The following ARHGAP26 variants were observed in gnomAD, a reference collection of about 807,000 sequenced individuals.
ARHGAP26 encodes Rho GTPase activating protein 26.
ARHGAP26 carries 38 observed loss-of-function variants against 104.8 expected under a neutral mutation model. The observed-to-expected ratio is 0.36, with a 90% confidence interval of 0.28 to 0.48. The LOEUF (loss-of-function observed/expected upper bound fraction) is 0.48. ARHGAP26 is among the 20% of genes least tolerant of loss of function. ARHGAP26 has a pLI of 0.99. For missense variants in ARHGAP26, 704 were observed against 947.9 expected (o/e 0.74, Z 3.38); for synonymous variants, 341 against 340.0 (o/e 1.00, Z -0.03).
At chr5:143,111,202 A>T (rs866317935) in intron 17 of ARHGAP26, among the ~76,000 whole-genome samples, 2 of 152,240 alleles carry the variant, frequency 1.3e-5, no homozygotes, top group Non-Finnish European at 2.9e-5. Context: ...TTGTAAAAAT[A>T]ATCAGGTTCT....
chr5:142,804,832 T>G (rs997186088), intron 1 of ARHGAP26, among the ~76,000 whole-genome samples: 1 of 152,088 alleles, frequency 6.6e-6, no homozygotes, highest in African/African-American at 2.4e-5. Flanking sequence ...TCAGAAAAAT[T>G]TCCTTCCTGC....
chr5:143,089,145 C>T (rs1351381739), intron 17 of ARHGAP26, among the ~76,000 whole-genome samples: 2 of 152,186 alleles, frequency 1.3e-5, no homozygotes, highest in South Asian at 4.1e-4. Flanking sequence ...CATTTCCTTA[C>T]AGCTTTCTTT....
At chr5:143,203,791 A>G (rs949558343) in intron 20 of ARHGAP26, 6 of 152,198 alleles carry the variant, frequency 3.9e-5, no homozygotes, top group African/African-American at 1.4e-4. Flanking sequence ...ATGAAGCTGG[A>G]AACCATCATT....
intron 11 of ARHGAP26, among the ~76,000 whole-genome samples, chr5:143,011,203 C>A (rs1012543156): frequency 6.6e-6 from 1 of 152,100 alleles, no homozygotes; most frequent in Non-Finnish European, 1.5e-5. Flanking sequence ...CACTAGCCCC[C>A]ACGTCTTCCC....
At position 143,222,347 on chromosome 5, in the gene ARHGAP26, T is replaced by G. The variant is rs760414106; in HGVS notation, c.2192-11T>G. On this transcript the variant is annotated splice_polypyrimidine_tract_variant and intron_variant, in intron 22 of 22. Transcript: ENST00000645722. Reference sequence around the variant, plus strand: ...CCATCTCTTCTCGCTTTCTCTCCCCTTCCTGTACAGTTCACCCATCTCAGG... The same window carrying G: ...CCATCTCTTCTCGCTTTCTCTCCCCGTCCTGTACAGTTCACCCATCTCAGG... 1 of 1,583,402 alleles carries G rather than the reference T, an allele frequency of 6.3e-7. No individual in the cohort carries two copies. Among genetic ancestry groups the G allele is most frequent in the Non-Finnish European group, 8.6e-7 (1 of 1,161,410 alleles).
chr5:143,130,371 G>A (rs3776295), intron 18 of ARHGAP26, among the ~76,000 whole-genome samples: 16,955 of 152,188 alleles, frequency 0.11, 1,105 homozygotes, highest in East Asian at 0.2. Flanking sequence ...TGACTAAGTC[G>A]GAATTACTTT....
At chr5:142,895,234 CT>C (rs1339893320) in intron 6 of ARHGAP26, among the ~76,000 whole-genome samples, 5 of 150,086 alleles carry the variant, frequency 3.3e-5, no homozygotes, top group South Asian at 2.1e-4. Context: ...TTTCTTTTTT[CT>C]TTTTTTTTTC....
intron 5 of ARHGAP26, among the ~76,000 whole-genome samples, chr5:142,890,151 A>AAAAAAAAAT (rs1252590997): frequency 5.9e-4 from 19 of 32,426 alleles, no homozygotes; most frequent in East Asian, 1.4e-3. Context: ...AAAAAAAAAA[A>AAAAAAAAAT]ATATATATAT....
At chr5:142,883,417 T>C (rs573942769) in intron 4 of ARHGAP26, among the ~76,000 whole-genome samples, 1 of 152,382 alleles carries the variant, frequency 6.6e-6, no homozygotes, top group South Asian at 2.1e-4. Context: ...AGGAGTAATG[T>C]GTCCTCAGGC....
chr5:143,027,901 C>G (rs1409265568), intron 12 of ARHGAP26, among the ~76,000 whole-genome samples: 1 of 152,096 alleles, frequency 6.6e-6, no homozygotes, highest in Non-Finnish European at 1.5e-5. Context: ...GGGAGAGGGC[C>G]CAGAATCTGC....
At chr5:143,170,151 T>G (rs534495415) in intron 20 of ARHGAP26, 1 of 152,182 alleles carries the variant, frequency 6.6e-6, no homozygotes, top group African/African-American at 2.4e-5. Flanking sequence ...CCTCCATTCA[T>G]TTTAATGACA....
In ARHGAP26 at chr5:142,806,437, C is replaced by T. The variant is rs548221814; in HGVS notation, c.154+35522C>T. Among the ~76,000 whole-genome samples, 40 of 151,106 alleles carry T rather than the reference C, an allele frequency of 2.6e-4. No homozygotes were observed. The East Asian group carries it at 3.1e-3, about 12-fold the overall frequency. On this transcript the variant is annotated intron_variant, in intron 1 of 22. Transcript: ENST00000645722. ...AGTGATGTTAATATATGTTTTTTAA[C>T]GGTTGTACATGGCATAATAAGTTAT...
intron 1 of ARHGAP26, among the ~76,000 whole-genome samples, chr5:142,808,159 C>A (rs1232828535): frequency 3.0e-5 from 4 of 133,282 alleles, no homozygotes; most frequent in Admixed American, 8.8e-5. Flanking sequence ...GGCATGAACC[C>A]GGGAGGCAGA....
chr5:142,839,897 G>A (rs1770406527), intron 1 of ARHGAP26, among the ~76,000 whole-genome samples: 1 of 149,442 alleles, frequency 6.7e-6, no homozygotes, highest in Non-Finnish European at 1.5e-5. Flanking sequence ...AGAGAGAGGA[G>A]GGGAGGGGAG....
chr5:143,116,039 C>A (rs967396495), intron 17 of ARHGAP26, among the ~76,000 whole-genome samples: 1 of 152,048 alleles, frequency 6.6e-6, no homozygotes, highest in Non-Finnish European at 1.5e-5. Context: ...CAGAGTGTGT[C>A]ATACTTACTA....
chr5:143,133,094 G>A (rs1378160565), intron 18 of ARHGAP26, among the ~76,000 whole-genome samples: 1 of 152,046 alleles, frequency 6.6e-6, no homozygotes, highest in East Asian at 1.9e-4. Flanking sequence ...ATAAGTATTA[G>A]CTATTATAAT....
intron 11 of ARHGAP26, among the ~76,000 whole-genome samples, chr5:143,004,407 TG>T (rs1777651727): frequency 6.6e-6 from 1 of 152,236 alleles, no homozygotes; most frequent in Admixed American, 6.5e-5. Context: ...CTCCCTGTTT[TG>T]GAATCTGTCC....
rs1284340723 is a variant in ARHGAP26, at chr5:143,056,103, T to C, written c.1432+17T>C. The C allele has an allele frequency of 6.2e-7, 1 of 1,606,718 alleles. No homozygotes were observed. Among genetic ancestry groups the C allele is most frequent in the Admixed American group, 1.7e-5 (1 of 59,968 alleles). ...AAGCAGCAAGTAAGTCTTTTTTGTC[T>C]CAGTTTTAAGGGGAAGAGAATAGAT... is the stretch of plus-strand genomic sequence containing the variant. On this transcript the variant is annotated intron_variant, in intron 16 of 22. Coordinates refer to ENST00000645722, the MANE Select transcript of ARHGAP26 (RefSeq NM_001135608.3).
chr5:142,986,905 A>G (rs896755520), intron 11 of ARHGAP26, among the ~76,000 whole-genome samples: 1 of 152,178 alleles, frequency 6.6e-6, no homozygotes, highest in African/African-American at 2.4e-5. Flanking sequence ...TGGTTACTGT[A>G]GCTTTGTGGT....
Sources: gnomAD v4.1 joint callset for allele counts (sites outside exome capture counted in the v4.1 genomes callset) on GRCh38, gnomAD v4.1.1 for gene constraint, MANE v1.5 for transcripts, NCBI Gene and HGNC (gene_info 2026-07-23, HGNC 2026-07-21) for gene names.